BMP5: variants seen among roughly 807,000 people sequenced by gnomAD.
BMP5 encodes bone morphogenetic protein 5.
Under a neutral mutation model 46.6 loss-of-function variants are expected in BMP5, and 23 were observed. That is an observed-to-expected ratio of 0.49 (90% confidence interval 0.35 to 0.70). The LOEUF is 0.70. Ranked by LOEUF, BMP5 falls within the 30% of genes least tolerant of loss-of-function variation. BMP5 has a pLI of 0.00. For missense variants in BMP5, 545 were observed against 565.6 expected (o/e 0.96, Z 0.37); for synonymous variants, 204 against 191.9 (o/e 1.06, Z -0.52).
chr6:55,819,762 T>A lies in BMP5; in HGVS notation c.576A>T (p.Ala192=). Residue 192 remains alanine, a synonymous_variant, in exon 2 of 7, where the codon GCA becomes GCT. Coordinates refer to ENST00000370830, the MANE Select transcript of BMP5 (RefSeq NM_021073.4). The stretch of plus-strand genomic sequence containing the variant: ...ATATCCGGAATTCAGCTGCTGTCAC[T>A]GCCTCTCCATGAGGAATTTGGGTAA... The part of the protein sequence containing the change: ...FDLTQIPHGE[A]VTAAEFRIYK... 1 of 1,613,646 alleles carries A rather than the reference T, an allele frequency of 6.2e-7. No homozygotes were observed. The highest frequency in any genetic ancestry group is 2.2e-5 in the East Asian group (1 of 44,862).
intron 2 of BMP5, among the ~76,000 whole-genome samples, chr6:55,797,543 A>C (rs1232636379): frequency 6.6e-6 from 1 of 152,166 alleles, no homozygotes; most frequent in Non-Finnish European, 1.5e-5. Flanking sequence ...CATTGTAGCA[A>C]AGAAAAAGCC....
chr6:55,867,376 T>G (rs1222555766), intron 1 of BMP5, among the ~76,000 whole-genome samples: 1 of 152,094 alleles, frequency 6.6e-6, no homozygotes, highest in Non-Finnish European at 1.5e-5. Flanking sequence ...TACTATATGA[T>G]CCCTTGTTTT....
At chr6:55,788,296 A>C (rs1340398838) in intron 3 of BMP5, among the ~76,000 whole-genome samples, 1 of 151,752 alleles carries the variant, frequency 6.6e-6, no homozygotes, top group Non-Finnish European at 1.5e-5. Flanking sequence ...TTCTAAGAAC[A>C]AAATGGGTTC....
At chr6:55,844,064 G>T (rs2127546749) in intron 1 of BMP5, among the ~76,000 whole-genome samples, 1 of 151,972 alleles carries the variant, frequency 6.6e-6, no homozygotes, top group African/African-American at 2.4e-5. Context: ...TACAGGAAGG[G>T]TTGTTTTCAG....
chr6:55,839,137 A>AC (rs1271805820), intron 1 of BMP5, among the ~76,000 whole-genome samples: 1 of 152,120 alleles, frequency 6.6e-6, no homozygotes, highest in Non-Finnish European at 1.5e-5. Context: ...GCCATAACAT[A>AC]CCTAGATTGC....
intron 3 of BMP5, among the ~76,000 whole-genome samples, chr6:55,793,922 T>G (rs766353842): frequency 5.3e-5 from 8 of 152,166 alleles, no homozygotes; most frequent in Non-Finnish European, 1.2e-4. Context: ...TTCCATAAAT[T>G]TTTACAAATC....
chr6:55,806,543 G>A (rs1171445560), intron 2 of BMP5, among the ~76,000 whole-genome samples: 1 of 152,084 alleles, frequency 6.6e-6, no homozygotes, highest in Non-Finnish European at 1.5e-5. Context: ...GAATGTCTTG[G>A]CTCTACAGAC....
At chr6:55,799,044 C>A (rs986239182) in intron 2 of BMP5, among the ~76,000 whole-genome samples, 1 of 152,132 alleles carries the variant, frequency 6.6e-6, no homozygotes. Context: ...TATTTATCAT[C>A]TTTTTATCAA....
At chr6:55,808,062 C>T (rs943615548) in intron 2 of BMP5, among the ~76,000 whole-genome samples, 15 of 152,164 alleles carry the variant, frequency 9.9e-5, no homozygotes, top group African/African-American at 3.4e-4. Flanking sequence ...TTCCTGACTT[C>T]CTCAGAACTA....
At chr6:55,758,948 A>G in intron 6 of BMP5, 57 bp downstream of exon 6, 1 of 1,181,880 alleles carries the variant, frequency 8.5e-7, no homozygotes, top group Non-Finnish European at 1.3e-6. Context: ...CTCTAAAACA[A>G]CTTTATAATA....
intron 3 of BMP5, among the ~76,000 whole-genome samples, chr6:55,785,536 A>G (rs1184087241): frequency 2.0e-5 from 3 of 151,826 alleles, no homozygotes; most frequent in African/African-American, 4.8e-5. Context: ...GGGTCACAGC[A>G]TACGTGGGTT....
intron 4 of BMP5, chr6:55,772,951 T>C (rs1360061662): frequency 3.1e-6 from 3 of 982,418 alleles, no homozygotes; most frequent in African/African-American, 1.8e-5. Flanking sequence ...TCGTCATCTA[T>C]TTCTTATCTA....
At chr6:55,822,554 AT>A (rs1229674766) in intron 1 of BMP5, among the ~76,000 whole-genome samples, 1 of 152,032 alleles carries the variant, frequency 6.6e-6, no homozygotes, top group African/African-American at 2.4e-5. Context: ...ACCATTATTC[AT>A]TTTTTCATTA....
chr6:55,804,330 G>A (rs1353304148), intron 2 of BMP5, among the ~76,000 whole-genome samples: 2 of 152,180 alleles, frequency 1.3e-5, no homozygotes, highest in South Asian at 2.1e-4. Context: ...TGGAATTACA[G>A]TATCTTCACA....
Position 55,832,936 on chromosome 6 carries a change from C to A in BMP5, c.491-13089G>T, listed in dbSNP as rs568940987. Among the ~76,000 whole-genome samples, 3 of 151,892 alleles carry A rather than the reference C, an allele frequency of 2.0e-5. No homozygotes were observed. The South Asian group carries it at 6.3e-4, about 32-fold the overall frequency. On this transcript the variant is annotated intron_variant, in intron 1 of 6. Coordinates refer to ENST00000370830, the MANE Select transcript of BMP5 (RefSeq NM_021073.4). Reference sequence around the variant, plus strand: ...GACCAGCTTGTGCAACATAGCAAGACCCTGTCTCTACAAAAATTTAAAAAA... The same window carrying A: ...GACCAGCTTGTGCAACATAGCAAGAACCTGTCTCTACAAAAATTTAAAAAA...
chr6:55,856,574 T>G (rs1777404306), intron 1 of BMP5, among the ~76,000 whole-genome samples: 1 of 152,136 alleles, frequency 6.6e-6, no homozygotes, highest in African/African-American at 2.4e-5. Flanking sequence ...CTTTTTCTAT[T>G]TTAGCCATTT....
chr6:55,825,559 T>C (rs1177650414), intron 1 of BMP5, among the ~76,000 whole-genome samples: 1 of 151,818 alleles, frequency 6.6e-6, no homozygotes, highest in African/African-American at 2.4e-5. Flanking sequence ...CTGAAGACTT[T>C]TATTGTTGAG....
At chr6:55,781,311 C>A (rs1408553111) in intron 3 of BMP5, among the ~76,000 whole-genome samples, 1 of 152,004 alleles carries the variant, frequency 6.6e-6, no homozygotes, top group Non-Finnish European at 1.5e-5. Flanking sequence ...TTATACATAT[C>A]TTAAATGAAA....
chr6:55,832,935 AC>A (rs377455733), intron 1 of BMP5, among the ~76,000 whole-genome samples: 3 of 152,008 alleles, frequency 2.0e-5, no homozygotes, highest in African/African-American at 7.2e-5. Flanking sequence ...ACATAGCAAG[AC>A]CCTGTCTCTA....
Sources: allele counts gnomAD v4.1 joint callset (sites outside exome capture counted in the v4.1 genomes callset), GRCh38; gene constraint gnomAD v4.1.1; transcripts MANE v1.5; gene names NCBI Gene and HGNC (gene_info 2026-07-23, HGNC 2026-07-21).